The following BOP1 variants were observed in gnomAD, a reference collection of about 807,000 sequenced individuals.
BOP1 encodes BOP1 ribosomal biogenesis factor.
In BOP1, 54 loss-of-function variants were observed where a neutral mutation model predicts 82.9. That is an observed-to-expected ratio of 0.65 (90% CI 0.52 to 0.82). The LOEUF is 0.82. Among genes scored for constraint, BOP1 ranks in the 40% least tolerant of loss-of-function variants. The pLI is 0.00. For synonymous variants in BOP1, 566 were observed against 451.1 expected (o/e 1.25, Z -3.23); for missense variants, 1,170 against 1,072.0 (o/e 1.09, Z -1.28).
chr8:144,268,210 C>G, intron 3 of BOP1: 3 of 1,545,192 alleles, frequency 1.9e-6, no homozygotes, highest in Non-Finnish European at 2.6e-6. Flanking sequence ...TGACTGCAGA[C>G]AGCCCCCACC....
chr8:144,269,928 G>A (rs969260262), intron 3 of BOP1, among the ~76,000 whole-genome samples: 4 of 152,234 alleles, frequency 2.6e-5, no homozygotes, highest in East Asian at 3.9e-4. Context: ...GGCCCACGGC[G>A]CCCACGCCAG....
At chr8:144,283,974 G>A (rs527641596) in intron 2 of BOP1, among the ~76,000 whole-genome samples, 7 of 152,312 alleles carry the variant, frequency 4.6e-5, no homozygotes, top group South Asian at 4.1e-4. Flanking sequence ...GACATTAGCC[G>A]GGCGTGATGA....
intron 3 of BOP1, chr8:144,266,604 C>A: frequency 8.8e-7 from 1 of 1,139,196 alleles, no homozygotes; most frequent in Non-Finnish European, 1.1e-6. Context: ...GCCGCGCCCC[C>A]GCCGGCCCCA....
chr8:144,263,998 G>A lies in BOP1; in HGVS notation c.1123C>T (p.Arg375Trp), dbSNP rs1845299590. The change falls in exon 8 of 16, where the codon CGG becomes TGG. Residue 375 changes from arginine (R) to tryptophan (W), a missense_variant. By Grantham distance (101) the Arg-to-Trp change is moderately radical. Transcript: ENST00000569669. ...CCACACACCCTCATCTTGCGCTGCC[G>A]TGGGCACAGGTACAGGTCAAGGCAG... ...ERCLDLYLCP[R>W]QRKMRVNVDP... 3.7e-6 allele frequency: 6 copies of A among 1,609,374 alleles called. No homozygotes were observed. Among genetic ancestry groups the A allele is most frequent in the East Asian group, 4.5e-5 (2 of 44,878 alleles).
intron 3 of BOP1, 51 bp from the exon 4 acceptor site, chr8:144,265,122 C>G: frequency 1.3e-6 from 2 of 1,574,540 alleles, no homozygotes; most frequent in Non-Finnish European, 1.7e-6. Flanking sequence ...GGCCCACCCC[C>G]GCTTCGGGCC....
At chr8:144,268,583 G>C in intron 3 of BOP1, 1 of 221,924 alleles carries the variant, frequency 4.5e-6, no homozygotes, top group Non-Finnish European at 9.0e-6. Flanking sequence ...CTTGGGCCAA[G>C]TACCCCGGCT....
At chr8:144,262,811 C>T in intron 13 of BOP1, 42 bp downstream of exon 13, 4 of 652,102 alleles carry the variant, frequency 6.1e-6, no homozygotes, top group Non-Finnish European at 9.5e-6. Flanking sequence ...CCGCCCCCCC[C>T]CCCACCCCTC....
Position 144,265,068 on chromosome 8 carries a change from T to A in BOP1, c.394A>T (p.Ile132Phe). The A allele has an allele frequency of 6.2e-7, 1 of 1,608,796 alleles. No individual in the cohort carries two copies. The highest frequency in any genetic ancestry group is 8.5e-7 in the Non-Finnish European group (1 of 1,177,584). ...YAEDSSDEED[I>F]RNTVGNVPLE... is the part of the protein sequence containing the mutation. The stretch of plus-strand genomic sequence containing the variant: ...GGCACGTTGCCCACCGTGTTCCGGA[T>A]GTCCTGCAGCCGGGGGCCACCATGT... Residue 132 changes from isoleucine to phenylalanine, a missense_variant, in exon 4 of 16, where the codon ATC (isoleucine) becomes TTC (phenylalanine). By Grantham distance (21) the Ile-to-Phe change is conservative. Coordinates refer to ENST00000569669, the MANE Select transcript of BOP1 (RefSeq NM_015201.5).
Position 144,263,522 on chromosome 8 carries a change from C to T in BOP1, c.1380G>A (p.Val460=), listed in dbSNP as rs1845283825. Residue 460 remains valine (V), a synonymous_variant, in exon 11 of 16, where the codon GTG becomes GTA. Transcript: ENST00000569669. ...TVPVGGVVKS[V]AWNPSPAVCL... is the part of the protein sequence containing the mutation. Reference sequence around the variant, plus strand: ...AGACAGCGGGGCTGGGGTTCCAGGCCACACTCTTCACCACGCCCCCCACGG... The same window carrying T: ...AGACAGCGGGGCTGGGGTTCCAGGCTACACTCTTCACCACGCCCCCCACGG... The T allele has an allele frequency of 3.8e-6, 6 of 1,599,430 alleles. No homozygotes were observed. Among genetic ancestry groups the T allele is most frequent in the African/African-American group, 1.3e-5 (1 of 74,892 alleles).
chr8:144,262,740 C>G, intron 13 of BOP1, 68 bp from the exon 14 acceptor site: 1 of 1,541,144 alleles, frequency 6.5e-7, no homozygotes, highest in South Asian at 1.2e-5. Flanking sequence ...CTGCCCGTCA[C>G]CTACACCCCT....
At chr8:144,273,211 A>C (rs1554838000) in intron 3 of BOP1, among the ~76,000 whole-genome samples, 2 of 152,202 alleles carry the variant, frequency 1.3e-5, no homozygotes, top group African/African-American at 4.8e-5. Flanking sequence ...CACTGGAGGC[A>C]GCTGCCGGTT....
At chr8:144,266,071 G>A (rs893524706) in intron 3 of BOP1, 69 of 152,518 alleles carry the variant, frequency 4.5e-4, no homozygotes, top group African/African-American at 1.6e-3. Flanking sequence ...GGCACAGGCA[G>A]GCGCTGGCGC....
In BOP1 at chr8:144,265,256, C is replaced by T. The variant is rs1167113551; in HGVS notation, c.391-185G>A. On this transcript the variant is annotated intron_variant, in intron 3 of 15. Transcript: ENST00000569669. The stretch of plus-strand genomic sequence containing the variant: ...GGGGTCTGACGTGGCATGGCGGCCA[C>T]GCTGCCCCCACCCCCGCCCTCGGAG... The T allele has an allele frequency of 1.0e-5, 7 of 689,466 alleles. 1 individual carries two copies. The highest frequency in any genetic ancestry group is 8.2e-5 in the East Asian group (3 of 36,588). The allele number at this position is 689,466 out of a possible 1,614,324, so 42.7% of individuals were successfully genotyped here.
chr8:144,288,915 G>A (rs782397221), intron 2 of BOP1, among the ~76,000 whole-genome samples, 180 bp downstream of exon 2: 18 of 152,240 alleles, frequency 1.2e-4, no homozygotes, highest in Non-Finnish European at 2.4e-4. Context: ...GGAACGGCAC[G>A]CAACTGGGGA....
intron 3 of BOP1, among the ~76,000 whole-genome samples, chr8:144,269,278 C>A (rs1291334879): frequency 6.6e-6 from 1 of 152,244 alleles, no homozygotes; most frequent in Non-Finnish European, 1.5e-5. Context: ...ACCACCTCCC[C>A]CCAACCCTGC....
chr8:144,262,763 GCAC>G, intron 13 of BOP1, 87 bp downstream of exon 13: 1 of 1,420,104 alleles, frequency 7.0e-7, no homozygotes, highest in Non-Finnish European at 9.5e-7. Flanking sequence ...CCTGCAGGGT[GCAC>G]TGCCCCTACC....
At chr8:144,269,228 G>T (rs1223341698) in intron 3 of BOP1, among the ~76,000 whole-genome samples, 5 of 152,242 alleles carry the variant, frequency 3.3e-5, no homozygotes, top group African/African-American at 1.2e-4. Context: ...AGTGGTGTGA[G>T]ATCAGTGGGC....
At chr8:144,274,628 T>C (rs1845541826) in intron 3 of BOP1, among the ~76,000 whole-genome samples, 1 of 152,176 alleles carries the variant, frequency 6.6e-6, no homozygotes, top group Admixed American at 6.5e-5. Context: ...CCGGGCTCCC[T>C]CGCTGTCACT....
At position 144,289,312 on chromosome 8, in the gene BOP1, G is replaced by A. The variant is rs782034132; in HGVS notation, c.100-8C>T. 4.3e-6 allele frequency: 7 copies of A among 1,612,762 alleles called. No homozygotes were observed. Among genetic ancestry groups the A allele is most frequent in the East Asian group, 2.2e-5 (1 of 44,872 alleles). ...GGTGCAGAGGAGGGGGGGCTGCAAG[G>A]AAACACTGGGTTGGTGACAACTGCC... is the stretch of plus-strand genomic sequence containing the variant. On this transcript the variant is annotated splice_region_variant and splice_polypyrimidine_tract_variant and intron_variant, in intron 1 of 15. Coordinates refer to ENST00000569669, the MANE Select transcript of BOP1 (RefSeq NM_015201.5).
Sources: gnomAD v4.1 joint callset for allele counts (sites outside exome capture counted in the v4.1 genomes callset) on GRCh38, gnomAD v4.1.1 for gene constraint, MANE v1.5 for transcripts, NCBI Gene and HGNC (gene_info 2026-07-23, HGNC 2026-07-21) for gene names.